CTNNA3: variants seen among roughly 807,000 people sequenced by gnomAD.
CTNNA3 encodes catenin alpha-3.
A neutral mutation model predicts 95.7 loss-of-function variants in CTNNA3; 76 were observed. The observed-to-expected ratio is 0.79, with a 90% CI of 0.66 to 0.96. The LOEUF is 0.96. Among genes scored for constraint, CTNNA3 ranks in the 40% least tolerant of loss-of-function variants. The pLI is 0.00. For missense variants in CTNNA3, 1,191 were observed against 1,089.8 expected (o/e 1.09, Z -1.31); for synonymous variants, 431 against 374.4 (o/e 1.15, Z -1.74).
At chr10:66,033,604 C>T (rs1292401004) in intron 15 of CTNNA3, among the ~76,000 whole-genome samples, 1 of 151,850 alleles carries the variant, frequency 6.6e-6, no homozygotes, top group African/African-American at 2.4e-5. Flanking sequence ...CTTTCCTGGA[C>T]TGAAAGCCCC....
chr10:67,114,698 T>C (rs192155765), intron 7 of CTNNA3, among the ~76,000 whole-genome samples: 2 of 111,914 alleles, frequency 1.8e-5, no homozygotes, highest in East Asian at 4.7e-4. Context: ...ACCATAGTGA[T>C]GGTTCTTAAA....
chr10:65,963,344 T>C (rs544125795), intron 17 of CTNNA3, among the ~76,000 whole-genome samples: 1 of 152,148 alleles, frequency 6.6e-6, no homozygotes, highest in African/African-American at 2.4e-5. Context: ...TCCATAACAT[T>C]CCATGTCTTC....
intron 10 of CTNNA3, among the ~76,000 whole-genome samples, chr10:66,610,323 C>G (rs1022769146): frequency 1.3e-5 from 2 of 152,080 alleles, no homozygotes; most frequent in Non-Finnish European, 1.5e-5. Context: ...CACATGTACC[C>G]CTGAACTTAA....
At chr10:66,833,116 C>A (rs1176063123) in intron 7 of CTNNA3, among the ~76,000 whole-genome samples, 5 of 152,114 alleles carry the variant, frequency 3.3e-5, no homozygotes. Flanking sequence ...CTTTTAAGAT[C>A]AAATTGAATT....
intron 7 of CTNNA3, among the ~76,000 whole-genome samples, chr10:66,842,372 G>C (rs1294546931): frequency 6.6e-6 from 1 of 152,120 alleles, no homozygotes; most frequent in African/African-American, 2.4e-5. Context: ...ATAAGAAATA[G>C]GCATGAAGAA....
In CTNNA3 at chr10:65,919,845, C is replaced by A; in HGVS notation, c.*485G>T. 1 of 154,660 alleles carries A rather than the reference C, an allele frequency of 6.5e-6. No individual in the cohort carries two copies. The highest frequency in any genetic ancestry group is 1.4e-5 in the Non-Finnish European group (1 of 69,748). 9.6% of individuals were successfully genotyped at this position (154,660 alleles called of 1,614,324 possible). A position where few individuals can be genotyped will look rare whatever the true frequency, so the allele number is the denominator to read the frequency against. On this transcript the variant is annotated 3_prime_UTR_variant, in exon 18 of 18. Coordinates refer to ENST00000433211, the MANE Select transcript of CTNNA3 (RefSeq NM_013266.4). Reference sequence around the variant, plus strand: ...TATGGCAGGAATCATACATTTCTGCCTGGTTAGGTGCCAGGTTAGATCAGA... The same window carrying A: ...TATGGCAGGAATCATACATTTCTGCATGGTTAGGTGCCAGGTTAGATCAGA...
intron 13 of CTNNA3, among the ~76,000 whole-genome samples, chr10:66,242,596 T>C (rs956392341): frequency 7.2e-5 from 11 of 152,190 alleles, no homozygotes; most frequent in African/African-American, 2.4e-4. Flanking sequence ...TATTTTACAC[T>C]TATAAGAGTG....
chr10:67,337,980 A>T (rs1842055267), intron 5 of CTNNA3, among the ~76,000 whole-genome samples: 1 of 152,206 alleles, frequency 6.6e-6, no homozygotes, highest in Non-Finnish European at 1.5e-5. Flanking sequence ...AGTCTGAAAT[A>T]AAACACACAA....
chr10:66,016,618 G>A (rs1230953966), intron 15 of CTNNA3, among the ~76,000 whole-genome samples: 2 of 151,958 alleles, frequency 1.3e-5, no homozygotes, highest in African/African-American at 4.8e-5. Context: ...ATTCCATTGG[G>A]ATTCTTTTTA....
chr10:66,965,221 G>T (rs1264410980), intron 7 of CTNNA3, among the ~76,000 whole-genome samples: 2 of 151,478 alleles, frequency 1.3e-5, no homozygotes, highest in Non-Finnish European at 1.5e-5. Context: ...AAAAAGCTGG[G>T]TTTTTTTGGG....
intron 13 of CTNNA3, among the ~76,000 whole-genome samples, chr10:66,226,489 G>A (rs973573366): frequency 1.3e-5 from 2 of 151,590 alleles, no homozygotes; most frequent in Non-Finnish European, 2.9e-5. Context: ...GCAGTATTAT[G>A]CCTCTAGCTT....
At position 67,740,913 on chromosome 10, in the gene CTNNA3, T is replaced by C. The variant is rs1841333445; in HGVS notation, c.-2+22521A>G. ...AGCAAAGACTTGGAACCAACCCAAA[T>C]GTCCAACAATGATAGACTGGATTAA... On this transcript the variant is annotated intron_variant, in intron 1 of 17. Coordinates refer to the CTNNA3 transcript ENST00000684154. Among the ~76,000 whole-genome samples the C allele has an allele frequency of 1.3e-5, 2 of 151,426 alleles. 1 individual carries two copies. The highest frequency in any genetic ancestry group is 4.8e-5 in the African/African-American group (2 of 41,296).
At chr10:66,772,440 AAAGAG>A (rs747281101) in intron 8 of CTNNA3, among the ~76,000 whole-genome samples, 1 of 107,128 alleles carries the variant, frequency 9.3e-6, no homozygotes, top group East Asian at 3.0e-4. Flanking sequence ...AAAAAAAAAA[AAAGAG>A]AGAGAGAGAA....
At chr10:66,298,330 C>A (rs2132219912) in intron 12 of CTNNA3, among the ~76,000 whole-genome samples, 1 of 152,092 alleles carries the variant, frequency 6.6e-6, no homozygotes, top group Non-Finnish European at 1.5e-5. Flanking sequence ...GGTTTCAAAC[C>A]AACACTGTAG....
chr10:66,712,400 C>T (rs1848323373), intron 9 of CTNNA3, among the ~76,000 whole-genome samples: 1 of 152,048 alleles, frequency 6.6e-6, no homozygotes, highest in Non-Finnish European at 1.5e-5. Flanking sequence ...AATTTATTGT[C>T]CCAAAGAGCT....
chr10:67,712,302 G>A (rs1841115806), intron 1 of CTNNA3, among the ~76,000 whole-genome samples: 1 of 152,214 alleles, frequency 6.6e-6, no homozygotes, highest in African/African-American at 2.4e-5. Flanking sequence ...CCCATTTTCT[G>A]AGGAGAAATC....
chr10:66,221,159 T>A (rs1271245365), intron 13 of CTNNA3, among the ~76,000 whole-genome samples: 1 of 152,200 alleles, frequency 6.6e-6, no homozygotes, highest in Non-Finnish European at 1.5e-5. Context: ...GTGTCTAATC[T>A]TATCAAGGAT....
intron 13 of CTNNA3, among the ~76,000 whole-genome samples, chr10:66,231,826 C>A (rs78482268): frequency 0.022 from 3,339 of 152,244 alleles, 57 homozygotes; most frequent in South Asian, 0.039. Flanking sequence ...AATGAGAAAG[C>A]TGACAGTTTC....
intron 1 of CTNNA3, among the ~76,000 whole-genome samples, chr10:67,739,162 G>A (rs1046526947): frequency 1.3e-5 from 2 of 152,154 alleles, no homozygotes; most frequent in African/African-American, 2.4e-5. Context: ...AAGTTGAAAT[G>A]AAGGAAAAAA....
Sources: allele counts gnomAD v4.1 joint callset (sites outside exome capture counted in the v4.1 genomes callset), GRCh38; gene constraint gnomAD v4.1.1; transcripts MANE v1.5; gene names NCBI Gene and HGNC (gene_info 2026-07-23, HGNC 2026-07-21).